NKAIN3: variants seen among roughly 807,000 people sequenced by gnomAD.
NKAIN3 encodes sodium/potassium transporting ATPase interacting 3.
A neutral mutation model predicts 30.2 loss-of-function variants in NKAIN3; 25 were observed. That is an observed-to-expected ratio of 0.83 (90% CI 0.60 to 1.16). NKAIN3 has a LOEUF of 1.16. NKAIN3 is among the 50% of genes most tolerant of loss of function. The pLI is 0.00. For missense variants in NKAIN3, 225 were observed against 254.1 expected (o/e 0.89, Z 0.78); for synonymous variants, 91 against 89.6 (o/e 1.02, Z -0.09).
At chr8:62,451,301 C>T (rs1454669054) in intron 1 of NKAIN3, among the ~76,000 whole-genome samples, 1 of 130,636 alleles carries the variant, frequency 7.7e-6, no homozygotes, top group Non-Finnish European at 1.6e-5. Flanking sequence ...CCCCTCCCGT[C>T]CCCTCCCCTC....
At chr8:62,300,896 T>C (rs962834897) in intron 1 of NKAIN3, among the ~76,000 whole-genome samples, 39 of 152,098 alleles carry the variant, frequency 2.6e-4, no homozygotes, top group Non-Finnish European at 3.7e-4. Flanking sequence ...TCCTTTAATG[T>C]AGAAATCATT....
chr8:62,844,682 T>C (rs1819623333), intron 4 of NKAIN3, among the ~76,000 whole-genome samples: 1 of 152,178 alleles, frequency 6.6e-6, no homozygotes, highest in Non-Finnish European at 1.5e-5. Context: ...TACAAAATGC[T>C]GTACATTAGA....
chr8:62,925,652 C>A (rs1822412002), intron 5 of NKAIN3, among the ~76,000 whole-genome samples: 1 of 152,138 alleles, frequency 6.6e-6, no homozygotes, highest in Admixed American at 6.5e-5. Context: ...AGCTCTGTGA[C>A]CATTGCTGAA....
chr8:62,567,355 G>C (rs1809790209), intron 1 of NKAIN3, among the ~76,000 whole-genome samples: 1 of 152,102 alleles, frequency 6.6e-6, no homozygotes, highest in Non-Finnish European at 1.5e-5. Context: ...CATTAACAAG[G>C]GAACTCCGAA....
chr8:62,878,506 G>T (rs944249738), intron 4 of NKAIN3, among the ~76,000 whole-genome samples: 8 of 151,506 alleles, frequency 5.3e-5, no homozygotes, highest in African/African-American at 1.9e-4. Flanking sequence ...CTGTTGTTGT[G>T]TTTTTATTAT....
chr8:62,674,548 G>T (rs1210846059), intron 3 of NKAIN3, among the ~76,000 whole-genome samples: 1 of 152,166 alleles, frequency 6.6e-6, no homozygotes, highest in East Asian at 1.9e-4. Flanking sequence ...TATCACTGTT[G>T]TTAGAAACAC....
At chr8:62,280,335 C>A (rs1813137234) in intron 1 of NKAIN3, among the ~76,000 whole-genome samples, 1 of 152,158 alleles carries the variant, frequency 6.6e-6, no homozygotes, top group South Asian at 2.1e-4. Flanking sequence ...GACAATTTGA[C>A]TTCCTCTTTT....
intron 1 of NKAIN3, among the ~76,000 whole-genome samples, chr8:62,484,686 T>C (rs1386072345): frequency 6.6e-6 from 1 of 152,204 alleles, no homozygotes; most frequent in African/African-American, 2.4e-5. Flanking sequence ...CAGAAATCTA[T>C]TCCTTTCCTT....
chr8:62,467,937 T>C (rs551511292), intron 1 of NKAIN3, among the ~76,000 whole-genome samples: 1 of 152,092 alleles, frequency 6.6e-6, no homozygotes. Flanking sequence ...GCCTGGCTAA[T>C]TTTTTTGCAT....
chr8:62,343,619 G>C (rs1285032857), intron 1 of NKAIN3, among the ~76,000 whole-genome samples: 1 of 151,878 alleles, frequency 6.6e-6, no homozygotes, highest in Non-Finnish European at 1.5e-5. Flanking sequence ...AGACCAGCCT[G>C]GGCAACACAG....
At chr8:62,597,753 T>C (rs1810876511) in intron 3 of NKAIN3, among the ~76,000 whole-genome samples, 1 of 152,028 alleles carries the variant, frequency 6.6e-6, no homozygotes, top group Non-Finnish European at 1.5e-5. Flanking sequence ...TACTTTATAA[T>C]AGGAATTATC....
chr8:62,677,949 G>T (rs1243597999), intron 3 of NKAIN3, among the ~76,000 whole-genome samples: 1 of 152,066 alleles, frequency 6.6e-6, no homozygotes, highest in Admixed American at 6.6e-5. Context: ...TATTTGACTC[G>T]ATTGCTAGTT....
At chr8:62,813,613 G>C (rs1486544478) in intron 4 of NKAIN3, among the ~76,000 whole-genome samples, 1 of 150,894 alleles carries the variant, frequency 6.6e-6, no homozygotes, top group East Asian at 2.0e-4. Flanking sequence ...CTATTACTTT[G>C]TTGGTAGTTT....
chr8:62,573,985 A>G (rs1810027247), intron 1 of NKAIN3, among the ~76,000 whole-genome samples: 1 of 151,984 alleles, frequency 6.6e-6, no homozygotes, highest in South Asian at 2.1e-4. Context: ...CATACTTTCT[A>G]TTTTTGTTGT....
chr8:62,592,183 C>T (rs141044426), intron 3 of NKAIN3, among the ~76,000 whole-genome samples: 69 of 152,026 alleles, frequency 4.5e-4, no homozygotes, highest in African/African-American at 1.0e-3. Context: ...CACATTTGTA[C>T]GCTAAGGTGT....
At chr8:62,954,382 TTCTA>T (rs1393508256) in intron 6 of NKAIN3, among the ~76,000 whole-genome samples, 1 of 152,170 alleles carries the variant, frequency 6.6e-6, no homozygotes, top group African/African-American at 2.4e-5. Flanking sequence ...CTGAGACTTG[TTCTA>T]TCACCATACT....
chr8:62,435,548 C>T (rs1194871193), intron 1 of NKAIN3, among the ~76,000 whole-genome samples: 3 of 152,050 alleles, frequency 2.0e-5, no homozygotes, highest in South Asian at 2.1e-4. Flanking sequence ...TACAAACAAA[C>T]GAAGGGGAGT....
At chr8:62,995,788 C>A (rs1804098562) in intron 5 of NKAIN3, among the ~76,000 whole-genome samples, 1 of 152,186 alleles carries the variant, frequency 6.6e-6, no homozygotes, top group South Asian at 2.1e-4. Context: ...TTCAACTATA[C>A]TTCCATAAAG....
chr8:62,652,651 G>A (rs1367913145), intron 3 of NKAIN3, among the ~76,000 whole-genome samples: 1 of 152,148 alleles, frequency 6.6e-6, no homozygotes, highest in African/African-American at 2.4e-5. Flanking sequence ...CAGCTTGCTG[G>A]TTGCTGGTCT....
Sources: gnomAD v4.1 joint callset for allele counts (sites outside exome capture counted in the v4.1 genomes callset) on GRCh38, gnomAD v4.1.1 for gene constraint, MANE v1.5 for transcripts, NCBI Gene and HGNC (gene_info 2026-07-23, HGNC 2026-07-21) for gene names.